UBE2E1: variants seen among roughly 807,000 people sequenced by gnomAD.
UBE2E1 encodes the protein ubiquitin-conjugating enzyme E2 E1.
Under a neutral mutation model 21.4 loss-of-function variants are expected in UBE2E1, and 6 were observed. The observed-to-expected ratio is 0.28, with a 90% confidence interval of 0.15 to 0.55. The LOEUF (loss-of-function observed/expected upper bound fraction) is 0.55. Ranked by LOEUF, UBE2E1 falls within the 20% of genes least tolerant of loss-of-function variation. The pLI, the probability that UBE2E1 is intolerant of heterozygous loss-of-function variation, is 0.93. For missense variants in UBE2E1, 142 were observed against 236.5 expected (o/e 0.60, Z 2.62); for synonymous variants, 87 against 82.7 (o/e 1.05, Z -0.28).
intron 3 of UBE2E1, among the ~76,000 whole-genome samples, chr3:23,822,363 A>G (rs539325491): frequency 6.6e-6 from 1 of 152,218 alleles, no homozygotes; most frequent in African/African-American, 2.4e-5. Context: ...GGTGTTATCT[A>G]CTTTCTACAC....
intron 3 of UBE2E1, among the ~76,000 whole-genome samples, chr3:23,857,696 T>A (rs772542659): frequency 9.9e-5 from 15 of 152,194 alleles, no homozygotes; most frequent in Non-Finnish European, 1.8e-4. Context: ...TTGGAAGCTG[T>A]CTGTGGGCAA....
chr3:23,873,283 A>C (rs997727774), intron 3 of UBE2E1, among the ~76,000 whole-genome samples: 1 of 152,146 alleles, frequency 6.6e-6, no homozygotes, highest in Admixed American at 6.5e-5. Context: ...AGAACTGCCT[A>C]GTTTTTCCCT....
At position 23,811,831 on chromosome 3, in the gene UBE2E1, C is replaced by T. The variant is rs72625889; in HGVS notation, c.203+321C>T. ...CCATTAAAGATGATGTAAAACCTTT[C>T]AGATGCGAAGGACATTTTGGTTTGG... is the stretch of plus-strand genomic sequence containing the variant. On this transcript the variant is annotated intron_variant, in intron 3 of 5. Coordinates refer to ENST00000306627, the MANE Select transcript of UBE2E1 (RefSeq NM_003341.5). Among the ~76,000 whole-genome samples the T allele has an allele frequency of 2.9e-3, 446 of 152,324 alleles. 12 individuals carry two copies. The East Asian group carries it at 0.046, about 16-fold the overall frequency.
chr3:23,825,336 T>G (rs1699732876), intron 3 of UBE2E1, among the ~76,000 whole-genome samples: 1 of 152,188 alleles, frequency 6.6e-6, no homozygotes, highest in Non-Finnish European at 1.5e-5. Flanking sequence ...CTTATTCCAT[T>G]TTTTGGCCCT....
Position 23,842,297 on chromosome 3 carries a change from G to A in UBE2E1, c.203+30787G>A, listed in dbSNP as rs897220735. The stretch of plus-strand genomic sequence containing the variant: ...GGTCTCAATTCGTCGCCTAGGCTGG[G>A]ATGCAGTGGTGCAGTCACGACTCAC... On this transcript the variant is annotated intron_variant, in intron 3 of 5. Coordinates refer to ENST00000306627, the MANE Select transcript of UBE2E1 (RefSeq NM_003341.5). This position sits in a 1 kb window ranked among gnomAD's most constrained non-coding sequence, Gnocchi z 4.6. Among the ~76,000 whole-genome samples the A allele has an allele frequency of 1.3e-5, 2 of 148,218 alleles. No individual in the cohort carries two copies. Among genetic ancestry groups the A allele is most frequent in the Non-Finnish European group, 3.0e-5 (2 of 67,336 alleles).
intron 3 of UBE2E1, among the ~76,000 whole-genome samples, chr3:23,819,429 T>G (rs963516839): frequency 6.6e-6 from 1 of 152,194 alleles, no homozygotes; most frequent in Non-Finnish European, 1.5e-5. Context: ...GCCTGGAATT[T>G]TCTAGACGAT....
In UBE2E1 at chr3:23,808,242, T is replaced by C. The variant is rs1380506704; in HGVS notation, c.152+821T>C. 6.6e-6 allele frequency among the ~76,000 whole-genome samples: 1 copy of C among 152,184 alleles called. No homozygotes were observed. Among genetic ancestry groups the C allele is most frequent in the African/African-American group, 2.4e-5 (1 of 41,448 alleles). The stretch of plus-strand genomic sequence containing the variant: ...GCGGTCACCCTTTTTCTTTATTCTT[T>C]TCCTCTTAAGCCTCTGGAGGTAGCT... On this transcript the variant is annotated intron_variant, in intron 2 of 5. Coordinates refer to ENST00000306627, the MANE Select transcript of UBE2E1 (RefSeq NM_003341.5). The surrounding 1 kb of genome is among the most constrained non-coding windows in gnomAD (Gnocchi z 4.9).
In UBE2E1 at chr3:23,863,827, G is replaced by A. The variant is rs1700602069; in HGVS notation, c.204-23740G>A. Among the ~76,000 whole-genome samples the A allele has an allele frequency of 1.3e-5, 2 of 152,154 alleles. No homozygotes were observed. The highest frequency in any genetic ancestry group is 1.3e-4 in the Admixed American group (2 of 15,280). On this transcript the variant is annotated intron_variant, in intron 3 of 5. Coordinates refer to ENST00000306627, the MANE Select transcript of UBE2E1 (RefSeq NM_003341.5). The surrounding 1 kb of genome is among the most constrained non-coding windows in gnomAD (Gnocchi z 4.3). ...TTACAGGCGTGAACCACCGCGCCCA[G>A]CCTGAATTTTATCTTTTTTGAAGAA... is the stretch of plus-strand genomic sequence containing the variant.
chr3:23,833,866 C>A (rs1699919294), intron 3 of UBE2E1, among the ~76,000 whole-genome samples: 2 of 152,084 alleles, frequency 1.3e-5, no homozygotes, highest in South Asian at 4.1e-4. Context: ...GGCATGGTGG[C>A]ATGTGCCTGT....
At chr3:23,841,341 T>C (rs1299339281) in intron 3 of UBE2E1, among the ~76,000 whole-genome samples, 3 of 152,178 alleles carry the variant, frequency 2.0e-5, no homozygotes, top group Non-Finnish European at 2.9e-5. Flanking sequence ...ACTGTGTCAT[T>C]AGAATTTTTA....
At chr3:23,888,318 C>A (rs1701240919) in intron 4 of UBE2E1, 1 of 454,998 alleles carries the variant, frequency 2.2e-6, no homozygotes, top group African/African-American at 2.0e-5. Context: ...CTCATTCAGT[C>A]AGAAAGAAAA....
At chr3:23,880,818 C>G (rs1483323041) in intron 3 of UBE2E1, among the ~76,000 whole-genome samples, 1 of 152,176 alleles carries the variant, frequency 6.6e-6, no homozygotes, top group Non-Finnish European at 1.5e-5. Context: ...GGGAACACAA[C>G]AGATTCTAGT....
intron 3 of UBE2E1, among the ~76,000 whole-genome samples, chr3:23,817,182 C>T (rs1473346976): frequency 6.6e-6 from 1 of 152,164 alleles, no homozygotes; most frequent in Admixed American, 6.5e-5. Flanking sequence ...GTGGCTCACG[C>T]CTGTAATCCC....
intron 3 of UBE2E1, among the ~76,000 whole-genome samples, chr3:23,814,986 C>T (rs1447841860): frequency 6.6e-6 from 1 of 152,096 alleles, no homozygotes; most frequent in African/African-American, 2.4e-5. Context: ...AAATACATTT[C>T]TTTCTTTCTC....
chr3:23,851,285 A>T (rs1034474608), intron 3 of UBE2E1, among the ~76,000 whole-genome samples: 8 of 152,118 alleles, frequency 5.3e-5, no homozygotes, highest in African/African-American at 1.9e-4. Flanking sequence ...ACGATGTCTT[A>T]ATTTCTGTGG....
At chr3:23,861,421 AG>A (rs1700554272) in intron 3 of UBE2E1, among the ~76,000 whole-genome samples, 2 of 152,310 alleles carry the variant, frequency 1.3e-5, no homozygotes, top group Non-Finnish European at 2.9e-5. Context: ...GAAGGGAGAC[AG>A]GGAAGTGCTG....
intron 3 of UBE2E1, among the ~76,000 whole-genome samples, chr3:23,822,140 T>C (rs1469385174): frequency 6.6e-6 from 1 of 152,108 alleles, no homozygotes; most frequent in African/African-American, 2.4e-5. Context: ...GGTAGAGTGA[T>C]CAAGTGGGAA....
intron 3 of UBE2E1, among the ~76,000 whole-genome samples, chr3:23,873,016 C>CAA (rs530180788): frequency 3.2e-4 from 45 of 140,722 alleles, no homozygotes; most frequent in Non-Finnish European, 5.4e-4. Flanking sequence ...GACTCCATCT[C>CAA]AAAAAAAAAA....
At chr3:23,874,721 C>T (rs1700878766) in intron 3 of UBE2E1, among the ~76,000 whole-genome samples, 2 of 152,126 alleles carry the variant, frequency 1.3e-5, no homozygotes, top group South Asian at 4.1e-4. Flanking sequence ...CAGAAAAGAC[C>T]TATTGTTGGA....
Sources: allele counts gnomAD v4.1 joint callset (sites outside exome capture counted in the v4.1 genomes callset), GRCh38; gene constraint gnomAD v4.1.1; non-coding constraint Gnocchi (gnomAD v3.1); transcripts MANE v1.5; gene names NCBI Gene and HGNC (gene_info 2026-07-23, HGNC 2026-07-21).